Variants in GSE1 observed in about 807,000 individuals in gnomAD.
The protein encoded by GSE1 is genetic suppressor element 1.
A neutral mutation model predicts 112.6 loss-of-function variants in GSE1; 32 were observed. That is an observed-to-expected ratio of 0.28 (90% CI 0.21 to 0.38). GSE1 has a LOEUF of 0.38. Ranked by LOEUF, GSE1 falls within the 10% of genes least tolerant of loss-of-function variation. GSE1 has a pLI of 1.00. For missense variants in GSE1, 2,348 were observed against 1,699.2 expected (o/e 1.38, Z -6.71); for synonymous variants, 1,115 against 735.6 (o/e 1.52, Z -8.35).
chr16:85,459,840 C>T (rs2049924624), intron 2 of GSE1, among the ~76,000 whole-genome samples: 1 of 152,232 alleles, frequency 6.6e-6, no homozygotes, highest in Non-Finnish European at 1.5e-5. Context: ...CAGGCATTCA[C>T]CCCTCCTTCA....
chr16:85,437,671 C>T (rs925844878), intron 2 of GSE1, among the ~76,000 whole-genome samples: 16 of 152,286 alleles, frequency 1.1e-4, no homozygotes, highest in African/African-American at 3.6e-4. Context: ...CTGTCTCCTG[C>T]CCCACCTGGA....
Position 85,652,601 on chromosome 16 carries a change from G to A in GSE1, c.427-1677G>A, listed in dbSNP as rs908108197. ...TAATCCTCGCTGACTGTCTCCTGGA[G>A]GGTGGAGAGAGGGGAGGCGCCGGCC... On this transcript the variant is annotated intron_variant, in intron 3 of 15. Transcript: ENST00000253458. 1.1e-3 allele frequency among the ~76,000 whole-genome samples: 162 copies of A among 152,348 alleles called. 1 individual carries two copies. The highest frequency in any genetic ancestry group is 3.7e-3 in the African/African-American group (152 of 41,584).
intron 1 of GSE1, among the ~76,000 whole-genome samples, chr16:85,332,137 C>T (rs556728640): frequency 1.3e-5 from 2 of 152,146 alleles, no homozygotes; most frequent in Non-Finnish European, 2.9e-5. Context: ...CTCCCAGTCA[C>T]ACCCAAGCAA....
chr16:85,320,945 C>G (rs2046094398), intron 1 of GSE1, among the ~76,000 whole-genome samples: 1 of 152,116 alleles, frequency 6.6e-6, no homozygotes, highest in Admixed American at 6.5e-5. Context: ...GGAGTCTACT[C>G]ACATGACCTC....
At chr16:85,516,936 T>C (rs367583508) in intron 2 of GSE1, among the ~76,000 whole-genome samples, 124 of 152,206 alleles carry the variant, frequency 8.1e-4, no homozygotes, top group African/African-American at 2.8e-3. Flanking sequence ...TAGCTGGGAC[T>C]ACAGGCGCCT....
At position 85,505,516 on chromosome 16, in the gene GSE1, G is replaced by A. The variant is rs1003155829; in HGVS notation, c.2465-128398G>A. 3.3e-5 allele frequency among the ~76,000 whole-genome samples: 5 copies of A among 152,266 alleles called. No individual in the cohort carries two copies. In the South Asian group the frequency reaches 6.2e-4, roughly 19 times the overall value. ...CCTGAGAGCATGATTTGAAGGTGCC[G>A]CTGTGGTGTCAGACCCACCATTCCA... On this transcript the variant is annotated intron_variant, in intron 2 of 2. Transcript: ENST00000637419.
intron 1 of GSE1, among the ~76,000 whole-genome samples, chr16:85,219,778 C>G (rs1455008017): frequency 1.3e-5 from 2 of 152,244 alleles, no homozygotes; most frequent in African/African-American, 4.8e-5. Context: ...AGCCCCATGA[C>G]TATGGGACCA....
intron 1 of GSE1, among the ~76,000 whole-genome samples, chr16:85,234,218 T>C (rs11149727): frequency 0.49 from 74,699 of 152,018 alleles, 18,694 homozygotes; most frequent in African/African-American, 0.57. Flanking sequence ...ACCCATCCCC[T>C]GGCTCCCTTT....
At chr16:85,185,699 G>C (rs1407136166) in intron 1 of GSE1, among the ~76,000 whole-genome samples, 1 of 152,250 alleles carries the variant, frequency 6.6e-6, no homozygotes, top group Non-Finnish European at 1.5e-5. Flanking sequence ...CCCCTGGTCT[G>C]TGTGGGCTTT....
intron 1 of GSE1, among the ~76,000 whole-genome samples, chr16:85,632,668 C>T (rs534837529): frequency 6.6e-6 from 1 of 152,226 alleles, no homozygotes; most frequent in African/African-American, 2.4e-5. Flanking sequence ...CGGGGAGGAA[C>T]CTGGGGGCCC....
At position 85,170,661 on chromosome 16, in the gene GSE1, C is replaced by T. The variant is rs544739979; in HGVS notation, c.1137C>T (p.Ala379=). The stretch of plus-strand genomic sequence containing the variant: ...TCTGCGGGGCCCCGCTGTCCCCGGC[C>T]TCGCACCACCAGGTCCACGTGCAGA... Residue 379 remains alanine, a synonymous_variant, in exon 1 of 3, where the codon GCC becomes GCT. Transcript: ENST00000637419. 11 of 985,702 alleles carry T rather than the reference C, an allele frequency of 1.1e-5. No homozygotes were observed. In the African/African-American group the frequency reaches 1.9e-4, roughly 17 times the overall value. 61.1% of individuals were successfully genotyped at this position (985,702 alleles called of 1,614,324 possible).
intron 2 of GSE1, among the ~76,000 whole-genome samples, chr16:85,427,904 A>G (rs2049030001): frequency 1.3e-5 from 2 of 152,262 alleles, no homozygotes; most frequent in Admixed American, 6.5e-5. Flanking sequence ...CATGGACAAT[A>G]TTAAAAAATA....
intron 2 of GSE1, among the ~76,000 whole-genome samples, chr16:85,475,403 G>A (rs547153240): frequency 2.0e-5 from 3 of 152,362 alleles, no homozygotes; most frequent in African/African-American, 4.8e-5. Context: ...GCAGGCAGGC[G>A]GACCGTGTTT....
intron 1 of GSE1, among the ~76,000 whole-genome samples, chr16:85,558,306 G>A (rs2045335902): frequency 6.6e-6 from 1 of 152,180 alleles, no homozygotes; most frequent in Non-Finnish European, 1.5e-5. Context: ...GTGCCTCCCC[G>A]GCAGCTATGC....
chr16:85,535,129 G>A (rs1167804682), intron 2 of GSE1, among the ~76,000 whole-genome samples: 1 of 152,192 alleles, frequency 6.6e-6, no homozygotes, highest in African/African-American at 2.4e-5. Context: ...CGGCCCCAAA[G>A]GGCTCCAGGC....
At position 85,205,407 on chromosome 16, in the gene GSE1, C is replaced by T. The variant is rs187002844; in HGVS notation, c.2283+33600C>T. 1.5e-3 allele frequency among the ~76,000 whole-genome samples: 228 copies of T among 152,322 alleles called. 1 individual carries two copies. Among genetic ancestry groups the T allele is most frequent in the African/African-American group, 5.2e-3 (217 of 41,584 alleles). Reference sequence around the variant, plus strand: ...TTGGCCTCCCAAAGTGCTAGGATTACAGGCATGAGCCACCGCGCCCAGCCT... The same window carrying T: ...TTGGCCTCCCAAAGTGCTAGGATTATAGGCATGAGCCACCGCGCCCAGCCT... On this transcript the variant is annotated intron_variant, in intron 1 of 2. Coordinates refer to the GSE1 transcript ENST00000637419.
At position 85,246,341 on chromosome 16, in the gene GSE1, C is replaced by T. The variant is rs1301496772; in HGVS notation, c.2283+74534C>T. ...CACACACACACACACACCCCCCACA[C>T]GCTGTCTACACACACACACACACAC... On this transcript the variant is annotated intron_variant, in intron 1 of 2. Transcript: ENST00000637419. Among the ~76,000 whole-genome samples, 183 of 115,170 alleles carry T rather than the reference C, an allele frequency of 1.6e-3. 3 individuals are homozygous for T. The highest frequency in any genetic ancestry group is 5.3e-3 in the African/African-American group (164 of 31,214). 75.6% of individuals were successfully genotyped at this position (115,170 alleles called of 152,430 possible).
At chr16:85,667,629 G>A (rs538364033) in intron 13 of GSE1, among the ~76,000 whole-genome samples, 2 of 152,202 alleles carry the variant, frequency 1.3e-5, no homozygotes, top group African/African-American at 2.4e-5. Context: ...AGGCCAAGGC[G>A]GGCAGATCAC....
At chr16:85,488,888 C>A (rs529788427) in intron 2 of GSE1, among the ~76,000 whole-genome samples, 1 of 152,104 alleles carries the variant, frequency 6.6e-6, no homozygotes, top group Non-Finnish European at 1.5e-5. Context: ...GAAGACCCCC[C>A]CATTCTAACA....
Sources: gnomAD v4.1 joint callset for allele counts (sites outside exome capture counted in the v4.1 genomes callset) on GRCh38, gnomAD v4.1.1 for gene constraint, MANE v1.5 for transcripts, NCBI Gene and HGNC (gene_info 2026-07-23, HGNC 2026-07-21) for gene names.